The following CLIC4 variants were observed in gnomAD, a reference collection of about 807,000 sequenced individuals.
CLIC4 encodes chloride intracellular channel protein 4.
Under a neutral mutation model 24.6 loss-of-function variants are expected in CLIC4, and 13 were observed. The ratio of observed to expected loss-of-function variants is 0.53; its 90% CI spans 0.34 to 0.84. CLIC4 has a LOEUF of 0.84. Among genes scored for constraint, CLIC4 ranks in the 40% least tolerant of loss-of-function variants. The pLI is 0.01. For synonymous variants in CLIC4, 104 were observed against 111.3 expected (o/e 0.93, Z 0.41); for missense variants, 227 against 301.7 (o/e 0.75, Z 1.83).
At chr1:24,747,659 C>A (rs1040932138) in intron 1 of CLIC4, among the ~76,000 whole-genome samples, 2 of 151,820 alleles carry the variant, frequency 1.3e-5, no homozygotes, top group Non-Finnish European at 2.9e-5. Flanking sequence ...GAAGGAATTT[C>A]CATAAACTCA....
intron 2 of CLIC4, among the ~76,000 whole-genome samples, chr1:24,809,790 C>A (rs1288567214): frequency 6.6e-6 from 1 of 152,024 alleles, no homozygotes; most frequent in Non-Finnish European, 1.5e-5. Context: ...AAATTCTGTG[C>A]ATTTATGGTC....
At chr1:24,783,424 G>T (rs534267606) in intron 1 of CLIC4, among the ~76,000 whole-genome samples, 1 of 152,156 alleles carries the variant, frequency 6.6e-6, no homozygotes, top group Non-Finnish European at 1.5e-5. Flanking sequence ...ATTTGTGGCC[G>T]GTCGTGGTGG....
intron 1 of CLIC4, among the ~76,000 whole-genome samples, chr1:24,746,676 T>G (rs114231116): frequency 0.017 from 2,533 of 151,930 alleles, 33 homozygotes; most frequent in Non-Finnish European, 0.023. Context: ...TTTCCCCGAG[T>G]TTTTACTTTA....
At chr1:24,787,718 T>G (rs983695498) in intron 1 of CLIC4, among the ~76,000 whole-genome samples, 1 of 150,964 alleles carries the variant, frequency 6.6e-6, no homozygotes, top group Non-Finnish European at 1.5e-5. Context: ...TTTTTTTTTT[T>G]GTATATTTAG....
intron 1 of CLIC4, among the ~76,000 whole-genome samples, chr1:24,752,943 G>A (rs948442464): frequency 6.6e-6 from 1 of 152,126 alleles, no homozygotes. Context: ...GGATGGTCTC[G>A]ATCTCCTGAC....
intron 1 of CLIC4, among the ~76,000 whole-genome samples, chr1:24,756,860 A>G (rs1403919113): frequency 6.6e-6 from 1 of 151,190 alleles, no homozygotes; most frequent in African/African-American, 2.4e-5. Context: ...AGCTGGGATT[A>G]CAGACACCCA....
intron 3 of CLIC4, among the ~76,000 whole-genome samples, chr1:24,816,382 G>A (rs954810828): frequency 6.6e-5 from 10 of 151,924 alleles, no homozygotes; most frequent in East Asian, 3.9e-4. Context: ...TGGGATTACA[G>A]GTGCCTGCCG....
chr1:24,820,073 ATATATG>A (rs112682553), intron 3 of CLIC4, among the ~76,000 whole-genome samples: 899 of 39,296 alleles, frequency 0.023, 65 homozygotes, highest in African/African-American at 0.066. Flanking sequence ...GTATGTATAT[ATATATG>A]TATATATATA....
At chr1:24,750,943 A>G (rs1303079837) in intron 1 of CLIC4, among the ~76,000 whole-genome samples, 1 of 151,802 alleles carries the variant, frequency 6.6e-6, no homozygotes, top group Non-Finnish European at 1.5e-5. Flanking sequence ...GGGTGTGCAT[A>G]TGGTTCAGAG....
Position 24,828,526 on chromosome 1 carries a change from C to A in CLIC4, c.415+1410C>A, listed in dbSNP as rs565439937. On this transcript the variant is annotated intron_variant, in intron 4 of 5. Coordinates refer to ENST00000374379, the MANE Select transcript of CLIC4 (RefSeq NM_013943.3). ...AAAACTACCCTTTTATACTTAGATG[C>A]CCCTGCTGCATACTTCTTTGAACAA... is the stretch of plus-strand genomic sequence containing the variant. Among the ~76,000 whole-genome samples the A allele has an allele frequency of 3.9e-5, 6 of 152,216 alleles. No homozygotes were observed. In the South Asian group the frequency reaches 1.2e-3, roughly 32 times the overall value.
intron 3 of CLIC4, among the ~76,000 whole-genome samples, chr1:24,815,982 A>G (rs1639663643): frequency 6.6e-6 from 1 of 152,126 alleles, no homozygotes; most frequent in South Asian, 2.1e-4. Context: ...TCAAGAAACC[A>G]TTTTCTTTGC....
At chr1:24,754,531 T>C (rs1638817847) in intron 1 of CLIC4, among the ~76,000 whole-genome samples, 1 of 152,082 alleles carries the variant, frequency 6.6e-6, no homozygotes, top group African/African-American at 2.4e-5. Context: ...TTTGGTCAAG[T>C]AGAGGAGTAA....
intron 4 of CLIC4, among the ~76,000 whole-genome samples, chr1:24,830,584 A>G (rs1159007619): frequency 6.6e-6 from 1 of 152,162 alleles, no homozygotes; most frequent in Non-Finnish European, 1.5e-5. Context: ...CCAAAAGTCT[A>G]TACCAGTTTA....
intron 1 of CLIC4, among the ~76,000 whole-genome samples, chr1:24,776,239 CTGT>C (rs946783548): frequency 6.6e-6 from 1 of 152,162 alleles, no homozygotes; most frequent in Non-Finnish European, 1.5e-5. Context: ...TTGCTCTAGA[CTGT>C]TTTTTGGCTT....
In CLIC4 at chr1:24,756,144, C is replaced by T. The variant is rs937827581; in HGVS notation, c.72+10519C>T. On this transcript the variant is annotated intron_variant, in intron 1 of 5. Transcript: ENST00000374379. ...CCTCCCGAGTAGCTGGGACTACAGG[C>T]GCCCGCCACCACGCCTGGCTGATTT... is the stretch of plus-strand genomic sequence containing the variant. Among the ~76,000 whole-genome samples the T allele has an allele frequency of 7.2e-5, 11 of 152,052 alleles. No homozygotes were observed. The South Asian group carries it at 1.4e-3, about 20-fold the overall frequency.
intron 3 of CLIC4, among the ~76,000 whole-genome samples, chr1:24,825,088 A>G (rs1639774741): frequency 6.6e-6 from 1 of 152,010 alleles, no homozygotes; most frequent in Non-Finnish European, 1.5e-5. Flanking sequence ...AGGGCATATT[A>G]CAAGAATTAC....
At chr1:24,810,936 G>A (rs931628369) in intron 2 of CLIC4, among the ~76,000 whole-genome samples, 5 of 151,850 alleles carry the variant, frequency 3.3e-5, no homozygotes, top group African/African-American at 4.8e-5. Context: ...TCAAAAATTA[G>A]CTGGGCTTGG....
chr1:24,800,508 G>A (rs1244846605), intron 2 of CLIC4, among the ~76,000 whole-genome samples: 2 of 151,662 alleles, frequency 1.3e-5, no homozygotes, highest in African/African-American at 4.8e-5. Flanking sequence ...CTGCCCGGCC[G>A]CCCCTACTGG....
At chr1:24,838,633 A>G (rs1386519506) in intron 4 of CLIC4, among the ~76,000 whole-genome samples, 1 of 152,160 alleles carries the variant, frequency 6.6e-6, no homozygotes, top group Non-Finnish European at 1.5e-5. Flanking sequence ...TTTTATGGCC[A>G]GTTACCACAA....
Sources: gnomAD v4.1 joint callset for allele counts (sites outside exome capture counted in the v4.1 genomes callset) on GRCh38, gnomAD v4.1.1 for gene constraint, MANE v1.5 for transcripts, NCBI Gene and HGNC (gene_info 2026-07-23, HGNC 2026-07-21) for gene names.